Variants in FASLG observed in about 807,000 individuals in gnomAD.
FASLG encodes the protein Fas ligand, also known as tumor necrosis factor ligand superfamily member 6.
Under a neutral mutation model 24.6 loss-of-function variants are expected in FASLG, and 9 were observed. The ratio of observed to expected loss-of-function variants is 0.37; its 90% CI spans 0.22 to 0.64. The LOEUF (loss-of-function observed/expected upper bound fraction) is 0.64. Among genes scored for constraint, FASLG ranks in the 30% least tolerant of loss-of-function variants. The pLI is 0.64. For synonymous variants in FASLG, 130 were observed against 135.5 expected, an observed-to-expected ratio of 0.96 and a Z score of 0.28; for missense variants, 306 against 345.3, an observed-to-expected ratio of 0.89 and a Z score of 0.90.
At chr1:172,663,936 G>T (rs779256666) in intron 2 of FASLG, among the ~76,000 whole-genome samples, 1 of 152,142 alleles carries the variant, frequency 6.6e-6, no homozygotes, top group Non-Finnish European at 1.5e-5. Flanking sequence ...ATGCTGACTA[G>T]CTGGGTCTTC....
In FASLG at chr1:172,666,367, G is replaced by C. The variant is rs985808934; in HGVS notation, c.*351G>C. 4.1e-6 allele frequency: 1 copy of C among 245,932 alleles called. No individual in the cohort carries two copies. The highest frequency in any genetic ancestry group is 2.2e-5 in the African/African-American group (1 of 45,434). 15.2% of individuals were successfully genotyped at this position (245,932 alleles called of 1,614,324 possible). ...TAACTCACCTCTCAAGGTGGGCCTT[G>C]CTACCTCAAGGGGGACTGTCTTTCA... On this transcript the variant is annotated 3_prime_UTR_variant, in exon 4 of 4. Transcript: ENST00000367721.
At chr1:172,662,820 A>G (rs1237172049) in intron 2 of FASLG, among the ~76,000 whole-genome samples, 1 of 152,202 alleles carries the variant, frequency 6.6e-6, no homozygotes, top group Non-Finnish European at 1.5e-5. Flanking sequence ...TGAGGGATAT[A>G]AAGACATGCA....
intron 2 of FASLG, among the ~76,000 whole-genome samples, chr1:172,661,264 A>G (rs1394329870): frequency 1.3e-5 from 2 of 152,206 alleles, no homozygotes; most frequent in Non-Finnish European, 1.5e-5. Flanking sequence ...AGCACTGGCC[A>G]TCTATTAAGT....
In FASLG at chr1:172,664,354, GA is replaced by G. The variant is rs35774809; in HGVS notation, c.422del (p.Lys141ArgfsTer3). 1.2e-6 allele frequency: 2 copies of G among 1,613,818 alleles called. No homozygotes were observed. Among genetic ancestry groups the G allele is most frequent in the Non-Finnish European group, 8.5e-7 (1 of 1,179,856 alleles). On this transcript the variant is annotated frameshift_variant, in exon 3 of 4. Transcript: ENST00000367721. LOFTEE classifies it high-confidence loss of function. ...TACAGGCCACCCCAGTCCACCCCCT[GA>G]AAAAAAGGAGCTGAGGAAAGTGGCC... is the stretch of plus-strand genomic sequence containing the variant. ...KQIGHPSPPP[E>X]KKELRKVAHL...
rs1659280994 is a variant in FASLG at position 172,666,797 on chromosome 1, A to G, written c.*781A>G. 6.6e-6 allele frequency: 1 copy of G among 152,540 alleles called. No homozygotes were observed. Among genetic ancestry groups the G allele is most frequent in the Admixed American group, 6.5e-5 (1 of 15,286 alleles). 9.4% of individuals were successfully genotyped at this position (152,540 alleles called of 1,614,324 possible). A position where few individuals can be genotyped will look rare whatever the true frequency, so the allele number is the denominator to read the frequency against. On this transcript the variant is annotated 3_prime_UTR_variant, in exon 4 of 4. Coordinates refer to ENST00000367721, the MANE Select transcript of FASLG (RefSeq NM_000639.3). ...CAGCTACTAATGATGTTTTCCTATA[A>G]TATAATAAATATTTATGTAGATGTG...
chr1:172,664,831 TAG>T (rs1659223434), intron 3 of FASLG, among the ~76,000 whole-genome samples: 1 of 152,176 alleles, frequency 6.6e-6, no homozygotes, highest in Admixed American at 6.5e-5. Flanking sequence ...CTGGCACTTG[TAG>T]AGTTTCAATA....
intron 2 of FASLG, among the ~76,000 whole-genome samples, chr1:172,663,732 A>T (rs1347859431): frequency 1.3e-5 from 2 of 152,138 alleles, no homozygotes; most frequent in Non-Finnish European, 2.9e-5. Context: ...CAGTGATATG[A>T]GGTGATTGTC....
At chr1:172,662,800 C>T (rs768716987) in intron 2 of FASLG, among the ~76,000 whole-genome samples, 12 of 152,170 alleles carry the variant, frequency 7.9e-5, no homozygotes, top group Non-Finnish European at 1.5e-4. Context: ...TAACGTTGTA[C>T]TAGGCTCTGT....
intron 1 of FASLG, 52 bp from the exon 2 acceptor site, chr1:172,660,043 G>A: frequency 1.3e-6 from 2 of 1,561,820 alleles, no homozygotes; most frequent in Non-Finnish European, 1.8e-6. Context: ...TGCCTCTTTT[G>A]CTTAAAGAAT....
rs1571334476 is a variant in FASLG at position 172,666,755 on chromosome 1, T to C, written c.*739T>C. 6.5e-6 allele frequency: 1 copy of C among 152,718 alleles called. No individual in the cohort carries two copies. The highest frequency in any genetic ancestry group is 2.1e-4 in the South Asian group (1 of 4,834). 9.5% of individuals were successfully genotyped at this position (152,718 alleles called of 1,614,324 possible). ...CCTGACAATCAACTCTAATAGTGCT[T>C]AAAAATCATTGATTGTCAGCTACTA... is the stretch of plus-strand genomic sequence containing the variant. On this transcript the variant is annotated 3_prime_UTR_variant, in exon 4 of 4. Transcript: ENST00000367721.
At chr1:172,659,640 C>A in intron 1 of FASLG, 91 bp downstream of exon 1, 1 of 1,482,510 alleles carries the variant, frequency 6.7e-7, no homozygotes, top group Non-Finnish European at 8.9e-7. Context: ...GCTTTTCAAT[C>A]CTTTTTTTTT....
At position 172,666,616 on chromosome 1, in the gene FASLG, GGTGT is replaced by G. The variant is rs10640513; in HGVS notation, c.*629_*632del. 5.5e-3 allele frequency: 829 copies of G among 150,238 alleles called. 3 individuals are homozygous for G. The highest frequency in any genetic ancestry group is 9.2e-3 in the South Asian group (44 of 4,798). 9.3% of individuals were successfully genotyped at this position (150,238 alleles called of 1,614,324 possible). A position where few individuals can be genotyped will look rare whatever the true frequency, so the allele number is the denominator to read the frequency against. The stretch of plus-strand genomic sequence containing the variant: ...TGTGTATTTCCAGTGCAATTGTAGG[GGTGT>G]GTGTGTGTGTGTGTGTGTGTGTGTG... On this transcript the variant is annotated 3_prime_UTR_variant, in exon 4 of 4. Transcript: ENST00000367721.
intron 1 of FASLG, 98 bp from the exon 2 acceptor site, chr1:172,659,997 G>A: frequency 7.6e-7 from 1 of 1,307,622 alleles, no homozygotes; most frequent in Non-Finnish European, 1.1e-6. Context: ...GAGGTATTTG[G>A]ATTCTCTTTC....
rs761180254 is a variant in FASLG, at chr1:172,665,794, C to T, written c.624C>T (p.Ser208=). ...RGQSCNNLPL[S]HKVYMRNSKY... is the part of the protein sequence containing the mutation. ...AATCTTGCAACAACCTGCCCCTGAGCCACAAGGTCTACATGAGGAACTCTA... is the reference window on the plus strand; with the variant it reads ...AATCTTGCAACAACCTGCCCCTGAGTCACAAGGTCTACATGAGGAACTCTA... The change falls in exon 4 of 4, where the codon AGC becomes AGT. Residue 208 remains serine, a synonymous_variant. Coordinates refer to ENST00000367721, the MANE Select transcript of FASLG (RefSeq NM_000639.3). The T allele has an allele frequency of 1.6e-5, 26 of 1,613,934 alleles. No individual in the cohort carries two copies. The East Asian group carries it at 5.1e-4, about 32-fold the overall frequency.
At chr1:172,665,570 T>C in intron 3 of FASLG, 52 bp from the exon 4 acceptor site, 1 of 1,599,382 alleles carries the variant, frequency 6.3e-7, no homozygotes, top group Non-Finnish European at 8.5e-7. Flanking sequence ...AAACTTAGTT[T>C]GTTGGATGCA....
In FASLG at chr1:172,666,277, TAC is replaced by T. The variant is rs1659262941; in HGVS notation, c.*262_*263del. 2.0e-6 allele frequency: 1 copy of T among 497,154 alleles called. No homozygotes were observed. Among genetic ancestry groups the T allele is most frequent in the African/African-American group, 1.9e-5 (1 of 51,892 alleles). 30.8% of individuals were successfully genotyped at this position (497,154 alleles called of 1,614,324 possible). On this transcript the variant is annotated 3_prime_UTR_variant, in exon 4 of 4. Coordinates refer to ENST00000367721, the MANE Select transcript of FASLG (RefSeq NM_000639.3). ...AGAGGGAGAAGCATGAAAAAGCAGC[TAC>T]CAGGTGTTCTACACTCATCTTAGTG...
chr1:172,664,969 T>C (rs532402774), intron 3 of FASLG, among the ~76,000 whole-genome samples: 14 of 152,322 alleles, frequency 9.2e-5, no homozygotes, highest in African/African-American at 3.1e-4. Context: ...GCAGAAATTA[T>C]AGAATGATCC....
intron 1 of FASLG, 113 bp from the exon 2 acceptor site, chr1:172,659,982 C>T (rs1338411222): frequency 3.4e-6 from 4 of 1,164,066 alleles, no homozygotes; most frequent in Non-Finnish European, 5.0e-6. Context: ...GTTAGCAGAA[C>T]TTCTGAGGTA....
Position 172,659,213 on chromosome 1 carries a change from C to T in FASLG, c.12C>T (p.Pro4=). Residue 4 remains proline, a synonymous_variant, in exon 1 of 4, where the codon CCC becomes CCT. Transcript: ENST00000367721. MQQ[P]FNYPYPQIYW... The stretch of plus-strand genomic sequence containing the variant: ...ACTCACCAGCTGCCATGCAGCAGCC[C>T]TTCAATTACCCATATCCCCAGATCT... 1 of 1,614,172 alleles carries T rather than the reference C, an allele frequency of 6.2e-7. No individual in the cohort carries two copies. Among genetic ancestry groups the T allele is most frequent in the Non-Finnish European group, 8.5e-7 (1 of 1,180,022 alleles).
Sources: allele counts gnomAD v4.1 joint callset (sites outside exome capture counted in the v4.1 genomes callset), GRCh38; gene constraint gnomAD v4.1.1; transcripts MANE v1.5; gene names NCBI Gene and HGNC (gene_info 2026-07-23, HGNC 2026-07-21).